The following PI4KA variants were observed in gnomAD, a reference collection of about 807,000 sequenced individuals.
PI4KA encodes PI4-kinase alpha.
Under a neutral mutation model 271.4 loss-of-function variants are expected in PI4KA, and 122 were observed. That is an observed-to-expected ratio of 0.45 (90% CI 0.39 to 0.52). The LOEUF (loss-of-function observed/expected upper bound fraction) is 0.52, where lower values mean the gene tolerates loss of function less well. Ranked by LOEUF, PI4KA falls within the 20% of genes least tolerant of loss-of-function variation. The pLI is 0.00. For missense variants in PI4KA, 1,969 were observed against 2,769.1 expected (o/e 0.71, Z 6.48); for synonymous variants, 1,041 against 1,078.8 (o/e 0.96, Z 0.69).
chr22:20,768,880 G>A (rs532218806), intron 19 of PI4KA, among the ~76,000 whole-genome samples: 1 of 152,340 alleles, frequency 6.6e-6, no homozygotes, highest in East Asian at 1.9e-4. Context: ...CAGTTGACAA[G>A]GGGCTTCCAG....
At chr22:20,858,502 C>A (rs1927941236) in intron 1 of PI4KA, 68 bp downstream of exon 1, 1 of 1,162,756 alleles carries the variant, frequency 8.6e-7, no homozygotes, top group Non-Finnish European at 1.1e-6. Flanking sequence ...AGACCCTCGT[C>A]CCGCCTCCAC....
At chr22:20,727,689 C>T (rs764443702) in intron 40 of PI4KA, 85 bp downstream of exon 40, 177 of 1,070,628 alleles carry the variant, frequency 1.7e-4, no homozygotes, top group Non-Finnish European at 2.3e-4. Context: ...CTGTTTTTGT[C>T]TCATTTCTAG....
At chr22:20,740,042 A>G (rs953102182) in intron 32 of PI4KA, among the ~76,000 whole-genome samples, 36 of 139,154 alleles carry the variant, frequency 2.6e-4, no homozygotes, top group African/African-American at 9.9e-4. Context: ...TGCCTGGGCA[A>G]CAGAGTGAGA....
chr22:20,744,194 C>T (rs1298265454), intron 30 of PI4KA, among the ~76,000 whole-genome samples: 3 of 152,124 alleles, frequency 2.0e-5, no homozygotes, highest in African/African-American at 7.2e-5. Flanking sequence ...TGAAAGCCCA[C>T]GATGTGGAGT....
chr22:20,796,689 C>A (rs945483308), intron 17 of PI4KA, among the ~76,000 whole-genome samples: 1 of 152,250 alleles, frequency 6.6e-6, no homozygotes, highest in Admixed American at 6.5e-5. Context: ...TTGCTTCCCC[C>A]CTACAAATCA....
rs771563633 is a variant in PI4KA, at chr22:20,819,627, T to C, written c.789+14A>G. 3.1e-6 allele frequency: 5 copies of C among 1,610,534 alleles called. No individual in the cohort carries two copies. The East Asian group carries it at 8.9e-5, about 29-fold the overall frequency. ...TCTTTCTCCTCTGCTCTTTCCCCAGTAGCCCAGGCCCACCTGAGAGATGCT... is the reference window on the plus strand; with the variant it reads ...TCTTTCTCCTCTGCTCTTTCCCCAGCAGCCCAGGCCCACCTGAGAGATGCT... On this transcript the variant is annotated intron_variant, in intron 6 of 54. Transcript: ENST00000255882.
chr22:20,853,212 G>C (rs953823137), intron 1 of PI4KA, among the ~76,000 whole-genome samples: 1 of 152,188 alleles, frequency 6.6e-6, no homozygotes, highest in Non-Finnish European at 1.5e-5. Context: ...GAGAGGAATA[G>C]AAGGACAAGG....
chr22:20,808,471 T>C (rs958629340), intron 9 of PI4KA, among the ~76,000 whole-genome samples: 6 of 134,728 alleles, frequency 4.5e-5, no homozygotes, highest in African/African-American at 1.8e-4. Context: ...CGTGCACCTG[T>C]AATCCCAGCT....
At chr22:20,727,909 C>A (rs770994822) in intron 39 of PI4KA, 45 bp from the exon 40 acceptor site, 9 of 1,430,566 alleles carry the variant, frequency 6.3e-6, no homozygotes, top group Non-Finnish European at 8.9e-6. Flanking sequence ...CGCCAGGGAA[C>A]CTGCACTCTC....
At chr22:20,833,042 G>C (rs76324936) in intron 3 of PI4KA, among the ~76,000 whole-genome samples, 1 of 152,242 alleles carries the variant, frequency 6.6e-6, no homozygotes, top group African/African-American at 2.4e-5. Context: ...CTTTGAAGCT[G>C]CTGTCCTTTG....
intron 19 of PI4KA, among the ~76,000 whole-genome samples, chr22:20,768,671 G>C (rs1172884615): frequency 2.0e-5 from 3 of 152,162 alleles, no homozygotes; most frequent in Admixed American, 6.5e-5. Flanking sequence ...GTGGAAGAAG[G>C]CTCCACACCT....
chr22:20,723,273 G>A (rs536709888), intron 42 of PI4KA, among the ~76,000 whole-genome samples: 22 of 151,956 alleles, frequency 1.4e-4, no homozygotes, highest in African/African-American at 5.1e-4. Context: ...ACCCGCCTCG[G>A]CTTCCCAAAG....
intron 1 of PI4KA, among the ~76,000 whole-genome samples, chr22:20,842,998 T>C (rs1925765003): frequency 6.7e-6 from 1 of 148,878 alleles, no homozygotes; most frequent in African/African-American, 2.5e-5. Context: ...CTTGGGAGGC[T>C]GAGGCAGGAG....
At chr22:20,850,265 G>A (rs543393370) in intron 1 of PI4KA, among the ~76,000 whole-genome samples, 292 of 151,964 alleles carry the variant, frequency 1.9e-3, no homozygotes, top group Middle Eastern at 6.8e-3. Flanking sequence ...AGCCAGGCAC[G>A]GTGGCTCGCC....
intron 19 of PI4KA, among the ~76,000 whole-genome samples, chr22:20,791,685 G>C (rs1934654691): frequency 6.6e-6 from 1 of 152,130 alleles, no homozygotes; most frequent in Admixed American, 6.5e-5. Flanking sequence ...TTGAGCTCCA[G>C]AGGTCCAGGC....
At position 20,793,220 on chromosome 22, in the gene PI4KA, C is replaced by T; in HGVS notation, c.2301G>A (p.Leu767=). ...ALKASSSAGN[L]GVLIPVIAVL... ...CAGCTATTACAGGAATGAGTACTCC[C>T]AAGTTCCCTGCACTGCTAGAAGCCT... The change falls in exon 19 of 55, where the codon TTG becomes TTA. Residue 767 remains leucine, a synonymous_variant. Transcript: ENST00000255882. 1 of 1,579,688 alleles carries T rather than the reference C, an allele frequency of 6.3e-7. No homozygotes were observed. The highest frequency in any genetic ancestry group is 2.2e-5 in the East Asian group (1 of 44,726).
At chr22:20,844,584 G>GC (rs1399358153) in intron 1 of PI4KA, among the ~76,000 whole-genome samples, 2 of 152,286 alleles carry the variant, frequency 1.3e-5, no homozygotes, top group African/African-American at 4.8e-5. Flanking sequence ...ACGACAGAGG[G>GC]CCCTGAAAGC....
At chr22:20,795,006 A>T (rs1934894924) in intron 18 of PI4KA, among the ~76,000 whole-genome samples, 1 of 152,196 alleles carries the variant, frequency 6.6e-6, no homozygotes, top group Non-Finnish European at 1.5e-5. Context: ...CTAGGACAGT[A>T]GCTGGCACAG....
chr22:20,768,662 T>C (rs1371493849), intron 19 of PI4KA, among the ~76,000 whole-genome samples: 1 of 152,070 alleles, frequency 6.6e-6, no homozygotes, highest in Non-Finnish European at 1.5e-5. Flanking sequence ...GCAACCTGTG[T>C]GGAAGAAGGC....
Sources: gnomAD v4.1 joint callset for allele counts (sites outside exome capture counted in the v4.1 genomes callset) on GRCh38, gnomAD v4.1.1 for gene constraint, MANE v1.5 for transcripts, NCBI Gene and HGNC (gene_info 2026-07-23, HGNC 2026-07-21) for gene names.